The following ANKRD11 variants were observed in gnomAD, a reference collection of about 807,000 sequenced individuals.
ANKRD11 encodes ankyrin repeat domain 11.
ANKRD11 carries 17 observed loss-of-function variants against 195.7 expected under a neutral mutation model. The ratio of observed to expected loss-of-function variants is 0.09; its 90% CI spans 0.06 to 0.13. The LOEUF is 0.13. ANKRD11 is among the 10% of genes least tolerant of loss of function. The pLI, the probability that ANKRD11 is intolerant of heterozygous loss-of-function variation, is 1.00. For missense variants in ANKRD11, 3,735 were observed against 3,566.1 expected (o/e 1.05, Z -1.21); for synonymous variants, 1,953 against 1,528.1 (o/e 1.28, Z -6.49).
intron 2 of ANKRD11, among the ~76,000 whole-genome samples, chr16:89,369,034 AC>A (rs933198220): frequency 1.3e-5 from 2 of 151,494 alleles, no homozygotes; most frequent in Non-Finnish European, 2.9e-5. Flanking sequence ...AGACTGAGAG[AC>A]CCCCCACTGG....
chr16:89,436,747 A>G (rs1252562577), intron 1 of ANKRD11, among the ~76,000 whole-genome samples: 7 of 152,204 alleles, frequency 4.6e-5, no homozygotes, highest in Admixed American at 3.9e-4. Context: ...AACTTTTACT[A>G]TATTTTTGTT....
At position 89,281,280 on chromosome 16, in the gene ANKRD11, G is replaced by A. The variant is rs1035852189; in HGVS notation, c.5262C>T (p.Ser1754=). The A allele has an allele frequency of 1.2e-5, 20 of 1,614,116 alleles. No homozygotes were observed. The highest frequency in any genetic ancestry group is 2.2e-5 in the East Asian group (1 of 44,896). ...TGTCGAAAAAGGAGGGGGAGCAGGC[G>A]CTGGTGGGAGCGGTGGGCACGGGCG... ...HSTPVPTAPT[S]ACSPSFFDRF... is the part of the protein sequence containing the mutation. The change falls in exon 9 of 13, where the codon AGC becomes AGT. Residue 1754 remains serine (S), a synonymous_variant. Coordinates refer to ENST00000301030, the MANE Select transcript of ANKRD11 (RefSeq NM_013275.6). The surrounding 1 kb of genome is among the most constrained non-coding windows in gnomAD (Gnocchi z 5.5).
At chr16:89,276,299 C>T (rs548816094) in intron 9 of ANKRD11, among the ~76,000 whole-genome samples, 2 of 152,318 alleles carry the variant, frequency 1.3e-5, no homozygotes, top group South Asian at 4.1e-4. Context: ...AGGCCCAGCG[C>T]ACAGGAGTGA....
intron 2 of ANKRD11, among the ~76,000 whole-genome samples, chr16:89,368,371 GTTTTTTTTTTTTTTT>G (rs71134210): frequency 2.5e-4 from 14 of 56,596 alleles, no homozygotes; most frequent in South Asian, 8.6e-4. Context: ...TAATTTTTGT[GTTTTTTTTTTTTTTT>G]TTTTTTTTTT....
At chr16:89,466,375 G>T (rs905517454) in intron 1 of ANKRD11, among the ~76,000 whole-genome samples, 20 of 152,168 alleles carry the variant, frequency 1.3e-4, no homozygotes, top group African/African-American at 4.6e-4. Context: ...TGACACAGGG[G>T]ACCGCATGAG....
intron 2 of ANKRD11, among the ~76,000 whole-genome samples, chr16:89,401,138 G>A (rs2152160798): frequency 8.0e-6 from 1 of 125,348 alleles, no homozygotes; most frequent in African/African-American, 3.2e-5. Context: ...CTGCTGCTCA[G>A]GCTGGAGTGC....
chr16:89,420,891 T>C (rs903121301), intron 1 of ANKRD11, among the ~76,000 whole-genome samples: 3 of 152,184 alleles, frequency 2.0e-5, no homozygotes, highest in Non-Finnish European at 2.9e-5. Flanking sequence ...TTAGAATACA[T>C]GTTCACATCA....
chr16:89,413,394 G>A (rs1363943027), intron 2 of ANKRD11, among the ~76,000 whole-genome samples: 2 of 152,146 alleles, frequency 1.3e-5, no homozygotes, highest in Non-Finnish European at 2.9e-5. Context: ...GGGAGGCTGA[G>A]GTGGGCAGAT....
chr16:89,287,325 AAGATGACCT>A (rs2034715483), intron 7 of ANKRD11: 1 of 338,492 alleles, frequency 3.0e-6, no homozygotes, highest in Non-Finnish European at 5.8e-6. Flanking sequence ...CTGGGCCTGC[AAGATGACCT>A]AGGACAATCT....
At position 89,390,503 on chromosome 16, in the gene ANKRD11, C is replaced by G. The variant is rs534027294; in HGVS notation, c.-60+27781G>C. Among the ~76,000 whole-genome samples the G allele has an allele frequency of 7.2e-5, 11 of 152,304 alleles. No homozygotes were observed. The South Asian group carries it at 2.3e-3, about 32-fold the overall frequency. Reference sequence around the variant, plus strand: ...AATACGTGAAGGAATAAAGCCTGAACATTTCCACATTTTGATGAAAACTGT... The same window carrying G: ...AATACGTGAAGGAATAAAGCCTGAAGATTTCCACATTTTGATGAAAACTGT... On this transcript the variant is annotated intron_variant, in intron 2 of 12. Transcript: ENST00000301030.
chr16:89,311,159 G>A (rs188891830), intron 3 of ANKRD11, among the ~76,000 whole-genome samples: 2 of 152,306 alleles, frequency 1.3e-5, no homozygotes, highest in Non-Finnish European at 2.9e-5. Flanking sequence ...TGATCACATG[G>A]TGTTTTCAGT....
intron 1 of ANKRD11, among the ~76,000 whole-genome samples, chr16:89,464,708 AG>A (rs1336130435): frequency 6.6e-6 from 1 of 152,212 alleles, no homozygotes; most frequent in African/African-American, 2.4e-5. Context: ...ATAGTTGACC[AG>A]AATTAAGCAC....
rs953015189 is a variant in ANKRD11, at chr16:89,330,977, G to A, written c.-59-13899C>T. On this transcript the variant is annotated intron_variant, in intron 2 of 12. Transcript: ENST00000301030. ...AAAACACCTTCCTTTTTCTTGAGAC[G>A]GAGTCTCACTTTGTCGCCCAGGCTG... 4.6e-5 allele frequency among the ~76,000 whole-genome samples: 7 copies of A among 152,122 alleles called. No individual in the cohort carries two copies. In the South Asian group the frequency reaches 6.2e-4, roughly 13 times the overall value.
At chr16:89,276,929 G>A (rs922875675) in intron 9 of ANKRD11, among the ~76,000 whole-genome samples, 4 of 151,866 alleles carry the variant, frequency 2.6e-5, no homozygotes, top group African/African-American at 9.7e-5. Context: ...GGTGGTGGGC[G>A]CCTGTAATCC....
chr16:89,448,684 T>A (rs1421537472), intron 1 of ANKRD11, among the ~76,000 whole-genome samples: 1 of 152,120 alleles, frequency 6.6e-6, no homozygotes. Flanking sequence ...AATTTAACAT[T>A]TAAAAGTAAA....
At chr16:89,301,451 C>CGGGCAGACA in intron 4 of ANKRD11, 1 of 397,410 alleles carries the variant, frequency 2.5e-6, no homozygotes, top group Non-Finnish European at 4.4e-6. Context: ...CAAGAGGCCC[C>CGGGCAGACA]GGGCAGACAG....
rs772993940 is a variant in ANKRD11 at position 89,280,424 on chromosome 16, C to T, written c.6118G>A (p.Gly2040Arg). ...AEPGLEDVKD[G>R]VDAVPAAIST... ...ATGGCGGCGGGGACGGCGTCCACTC[C>T]GTCCTTGACGTCCTCCAGCCCCGGC... is the stretch of plus-strand genomic sequence containing the variant. The change falls in exon 9 of 13, where the codon GGA becomes AGA. Residue 2040 changes from glycine to arginine, a missense_variant. Gly to Arg is a moderately radical substitution (Grantham distance 125). Transcript: ENST00000301030. 5.1e-6 allele frequency: 8 copies of T among 1,570,978 alleles called. No individual in the cohort carries two copies. Among genetic ancestry groups the T allele is most frequent in the East Asian group, 4.5e-5 (2 of 44,024 alleles).
intron 2 of ANKRD11, among the ~76,000 whole-genome samples, chr16:89,400,927 T>G (rs551195396): frequency 6.6e-6 from 1 of 152,096 alleles, no homozygotes; most frequent in Non-Finnish European, 1.5e-5. Flanking sequence ...TCTCACAGGC[T>G]CCACCCTGCT....
In ANKRD11 at chr16:89,286,670, G is replaced by A. The variant is rs1057479873; in HGVS notation, c.745-484C>T. The A allele has an allele frequency of 2.4e-6, 3 of 1,235,640 alleles. No homozygotes were observed. The African/African-American group carries it at 4.7e-5, about 19-fold the overall frequency. The allele number at this position is 1,235,640 out of a possible 1,614,324, so 76.5% of individuals were successfully genotyped here. A position where few individuals can be genotyped will look rare whatever the true frequency, so the allele number is the denominator to read the frequency against. ...GGAAACAAAGACCAAGTTTCTGCAA[G>A]CTGCTTTATTTTTTATTTTCATTTA... On this transcript the variant is annotated intron_variant, in intron 7 of 12. Coordinates refer to ENST00000301030, the MANE Select transcript of ANKRD11 (RefSeq NM_013275.6).
Sources: gnomAD v4.1 joint callset for allele counts (sites outside exome capture counted in the v4.1 genomes callset) on GRCh38, gnomAD v4.1.1 for gene constraint, Gnocchi (gnomAD v3.1) non-coding constraint, MANE v1.5 for transcripts, NCBI Gene and HGNC (gene_info 2026-07-23, HGNC 2026-07-21) for gene names.